The following RCBTB1 variants were observed in gnomAD, a reference collection of about 807,000 sequenced individuals.
RCBTB1 encodes RCC1 and BTB domain-containing protein 1.
A neutral mutation model predicts 62.4 loss-of-function variants in RCBTB1; 46 were observed. That is an observed-to-expected ratio of 0.74 (90% CI 0.58 to 0.94). The LOEUF is 0.94. Ranked by LOEUF, RCBTB1 falls within the 40% of genes least tolerant of loss-of-function variation. The pLI is 0.00. For synonymous variants in RCBTB1, 222 were observed against 245.8 expected (o/e 0.90, Z 0.91); for missense variants, 565 against 654.9 (o/e 0.86, Z 1.50).
At chr13:49,566,459 C>CG (rs1343304216) in intron 4 of RCBTB1, among the ~76,000 whole-genome samples, 159 bp downstream of exon 4, 1 of 152,048 alleles carries the variant, frequency 6.6e-6, no homozygotes, top group Non-Finnish European at 1.5e-5. Flanking sequence ...AGAGTTAGCC[C>CG]GAAGTGTTTA....
intron 11 of RCBTB1, 125 bp from the exon 12 acceptor site, chr13:49,541,131 T>A (rs1415446912): frequency 2.8e-6 from 2 of 724,208 alleles, no homozygotes; most frequent in Non-Finnish European, 4.3e-6. Context: ...AGATTCTGAA[T>A]TTGAGTAAAT....
At chr13:49,578,186 C>T (rs1963898013) in intron 2 of RCBTB1, among the ~76,000 whole-genome samples, 1 of 152,192 alleles carries the variant, frequency 6.6e-6, no homozygotes, top group Non-Finnish European at 1.5e-5. Flanking sequence ...ATAGTATTTG[C>T]ACATAACCTA....
chr13:49,540,851 G>A (rs1246244399), intron 12 of RCBTB1, 25 bp downstream of exon 12: 1 of 1,608,958 alleles, frequency 6.2e-7, no homozygotes, highest in Non-Finnish European at 8.5e-7. Flanking sequence ...AAGGTGGTCT[G>A]GTTTCTGTTT....
chr13:49,568,480 T>C (rs1170552262), intron 2 of RCBTB1, among the ~76,000 whole-genome samples: 1 of 152,214 alleles, frequency 6.6e-6, no homozygotes, highest in African/African-American at 2.4e-5. Flanking sequence ...TTTCAAACAG[T>C]CTTCTATTGA....
intron 1 of RCBTB1, among the ~76,000 whole-genome samples, chr13:49,582,207 C>CCGGG (rs1459660360): frequency 6.6e-6 from 1 of 152,212 alleles, no homozygotes. Flanking sequence ...AACAGAAGCG[C>CCGGG]CGGGCGCAGT....
intron 5 of RCBTB1, 94 bp from the exon 6 acceptor site, chr13:49,555,767 A>G: frequency 4.4e-6 from 4 of 917,340 alleles, no homozygotes; most frequent in Non-Finnish European, 6.5e-6. Flanking sequence ...TATCCTACTT[A>G]ATGAGTACTT....
chr13:49,551,396 A>C lies in RCBTB1; in HGVS notation c.784T>G (p.Tyr262Asp), dbSNP rs1170085348. 6.2e-7 allele frequency: 1 copy of C among 1,614,176 alleles called. No homozygotes were observed. The highest frequency in any genetic ancestry group is 1.1e-5 in the South Asian group (1 of 91,076). ...GLLYAWGANTYGQLGTGNKNN... is the reference protein window; with the variant it reads ...GLLYAWGANTDGQLGTGNKNN... Reference sequence around the variant, plus strand: ...TTATTGCCAGTTCCCAGCTGCCCATATGTGTTAGCTCCCCAGGCATACAGC... The same window carrying C: ...TTATTGCCAGTTCCCAGCTGCCCATCTGTGTTAGCTCCCCAGGCATACAGC... Residue 262 changes from tyrosine (Y) to aspartate (D), a missense_variant, in exon 8 of 13, where the codon TAT (tyrosine) becomes GAT (aspartate). Physicochemically the swap from Tyr to Asp is radical, Grantham distance 160. Coordinates refer to ENST00000378302, the MANE Select transcript of RCBTB1 (RefSeq NM_018191.4).
At chr13:49,544,967 G>A in intron 9 of RCBTB1, 104 bp from the exon 10 acceptor site, 1 of 802,666 alleles carries the variant, frequency 1.2e-6, no homozygotes, top group South Asian at 1.9e-5. Context: ...AATTCCACTT[G>A]TTTTTTTTTC....
chr13:49,550,212 C>T (rs1961209422), intron 8 of RCBTB1, among the ~76,000 whole-genome samples: 1 of 152,094 alleles, frequency 6.6e-6, no homozygotes, highest in Non-Finnish European at 1.5e-5. Context: ...CTCCTGGGCT[C>T]AAGTGATCCT....
At chr13:49,580,827 A>G (rs1355560410) in intron 1 of RCBTB1, among the ~76,000 whole-genome samples, 1 of 152,204 alleles carries the variant, frequency 6.6e-6, no homozygotes, top group African/African-American at 2.4e-5. Flanking sequence ...ACCATACACT[A>G]TTAATTCAAT....
chr13:49,544,393 C>T (rs1960636976), intron 10 of RCBTB1, among the ~76,000 whole-genome samples: 2 of 152,138 alleles, frequency 1.3e-5, no homozygotes, highest in African/African-American at 4.8e-5. Context: ...CACTTAAACC[C>T]GGGAGGCAGA....
chr13:49,565,149 C>A (rs906212397), intron 4 of RCBTB1, among the ~76,000 whole-genome samples: 1 of 152,172 alleles, frequency 6.6e-6, no homozygotes, highest in Non-Finnish European at 1.5e-5. Context: ...CGAGTGCCTG[C>A]GATTGCAGGG....
In RCBTB1 at chr13:49,562,776, C is replaced by CCTTTTTTTTTTTTTTTTTT. The variant is rs1566249913; in HGVS notation, c.278-2693_278-2692insAAAAAAAAAAAAAAAAAAG. Among the ~76,000 whole-genome samples the CCTTTTTTTTTTTTTTTTTT allele has an allele frequency of 3.3e-5, 2 of 61,344 alleles. 1 individual carries two copies. Among genetic ancestry groups the CCTTTTTTTTTTTTTTTTTT allele is most frequent in the African/African-American group, 1.0e-4 (2 of 19,672 alleles). The allele number at this position is 61,344 out of a possible 152,430, so 40.2% of individuals were successfully genotyped here. A position where few individuals can be genotyped will look rare whatever the true frequency, so the allele number is the denominator to read the frequency against. ...TACAGGTGCGTGCCACCATCCCCGGCTTTTTTTTTTTTTTTTTTTTTTTTT... is the reference window on the plus strand; with the variant it reads ...TACAGGTGCGTGCCACCATCCCCGGCCTTTTTTTTTTTTTTTTTTTTTTTTTTTTTTTTTTTTTTTTTTT... On this transcript the variant is annotated intron_variant, in intron 4 of 12. Coordinates refer to ENST00000378302, the MANE Select transcript of RCBTB1 (RefSeq NM_018191.4).
chr13:49,568,726 C>T (rs1281884546), intron 2 of RCBTB1, among the ~76,000 whole-genome samples: 1 of 151,926 alleles, frequency 6.6e-6, no homozygotes, highest in Non-Finnish European at 1.5e-5. Context: ...GTCAAGAGAT[C>T]GAGACCATCC....
intron 3 of RCBTB1, 37 bp downstream of exon 3, chr13:49,567,117 A>C (rs1468144616): frequency 6.2e-7 from 1 of 1,605,014 alleles, no homozygotes; most frequent in Admixed American, 1.7e-5. Context: ...TTGCCAAATA[A>C]GTCCTAAAAC....
intron 12 of RCBTB1, chr13:49,537,902 C>T (rs1275243820): frequency 1.3e-5 from 2 of 152,202 alleles, no homozygotes; most frequent in Admixed American, 6.5e-5. Context: ...TGAGTCCATA[C>T]ATTTTTGTTG....
Position 49,532,008 on chromosome 13 carries a change from C to T in RCBTB1, c.*2114G>A, listed in dbSNP as rs1268079388. 1 of 152,608 alleles carries T rather than the reference C, an allele frequency of 6.6e-6. No homozygotes were observed. Among genetic ancestry groups the T allele is most frequent in the African/African-American group, 2.4e-5 (1 of 41,440 alleles). The allele number at this position is 152,608 out of a possible 1,614,324, so 9.5% of individuals were successfully genotyped here. A position where few individuals can be genotyped will look rare whatever the true frequency, so the allele number is the denominator to read the frequency against. On this transcript the variant is annotated 3_prime_UTR_variant, in exon 13 of 13. Transcript: ENST00000378302. The stretch of plus-strand genomic sequence containing the variant: ...CTAAATATTACATAAATACAGCTTA[C>T]ATACTAGAGTATCAAACATTGTTCC...
chr13:49,540,135 T>C (rs1288645784), intron 12 of RCBTB1, among the ~76,000 whole-genome samples: 1 of 152,250 alleles, frequency 6.6e-6, no homozygotes, highest in Non-Finnish European at 1.5e-5. Flanking sequence ...TTCAGCTCAC[T>C]GATCATCCTT....
intron 5 of RCBTB1, among the ~76,000 whole-genome samples, chr13:49,556,412 G>A (rs1234979719): frequency 6.6e-6 from 1 of 152,078 alleles, no homozygotes; most frequent in East Asian, 1.9e-4. Context: ...GGATGGTCTC[G>A]ATCTCCTGAC....
Sources: allele counts gnomAD v4.1 joint callset (sites outside exome capture counted in the v4.1 genomes callset), GRCh38; gene constraint gnomAD v4.1.1; transcripts MANE v1.5; gene names NCBI Gene and HGNC (gene_info 2026-07-23, HGNC 2026-07-21).